Variants in LASP1 observed in about 807,000 individuals in gnomAD.
The protein encoded by LASP1 is LIM and SH3 domain protein 1.
LASP1 carries 10 observed loss-of-function variants against 38.6 expected under a neutral mutation model. The ratio of observed to expected loss-of-function variants is 0.26; its 90% CI spans 0.16 to 0.44. The LOEUF is 0.44. Among genes scored for constraint, LASP1 ranks in the 20% least tolerant of loss-of-function variants. The probability of loss-of-function intolerance (pLI) is 1.00; values close to 1 mark genes in which losing one functional copy is unlikely to be tolerated. For synonymous variants in LASP1, 132 were observed against 140.8 expected, an observed-to-expected ratio of 0.94 and a Z score of 0.44; for missense variants, 243 against 375.7, an observed-to-expected ratio of 0.65 and a Z score of 2.92.
intron 4 of LASP1, among the ~76,000 whole-genome samples, chr17:38,912,555 G>C (rs1312547526): frequency 6.6e-6 from 1 of 152,178 alleles, no homozygotes; most frequent in Non-Finnish European, 1.5e-5. Context: ...TCTGGCTCTT[G>C]GGCTGAGATC....
intron 1 of LASP1, among the ~76,000 whole-genome samples, chr17:38,870,508 T>G: frequency 1.3e-5 from 2 of 151,810 alleles, no homozygotes; most frequent in African/African-American, 4.8e-5. Flanking sequence ...TGTCCCGGGG[T>G]TGGGAGGACG....
intron 4 of LASP1, among the ~76,000 whole-genome samples, chr17:38,911,055 G>C (rs78116646): frequency 6.6e-6 from 1 of 152,100 alleles, no homozygotes. Flanking sequence ...AAAGCTCAAG[G>C]GTCTCCAGGA....
At chr17:38,888,748 G>A (rs949327947) in intron 2 of LASP1, among the ~76,000 whole-genome samples, 1 of 152,246 alleles carries the variant, frequency 6.6e-6, no homozygotes, top group Non-Finnish European at 1.5e-5. Context: ...AGACTGCTAA[G>A]GGAGAAGTGC....
At chr17:38,883,739 CTTTTTT>C (rs60761350) in intron 2 of LASP1, among the ~76,000 whole-genome samples, 1 of 128,350 alleles carries the variant, frequency 7.8e-6, no homozygotes, top group Admixed American at 8.2e-5. Context: ...CAGGGGCAGG[CTTTTTT>C]TTTTTTTTTT....
intron 1 of LASP1, among the ~76,000 whole-genome samples, chr17:38,876,328 G>A (rs956589069): frequency 1.3e-5 from 2 of 150,240 alleles, no homozygotes; most frequent in Non-Finnish European, 3.0e-5. Context: ...ACAGGCATGC[G>A]CCACCATACC....
chr17:38,892,701 G>A (rs1567699027), intron 3 of LASP1, among the ~76,000 whole-genome samples: 1 of 152,218 alleles, frequency 6.6e-6, no homozygotes, highest in Non-Finnish European at 1.5e-5. Context: ...GGTTTGAGGA[G>A]GAAGCACCTC....
At chr17:38,891,056 C>T (rs138823402) in intron 3 of LASP1, among the ~76,000 whole-genome samples, 31 of 152,212 alleles carry the variant, frequency 2.0e-4, no homozygotes, top group South Asian at 4.1e-4. Context: ...GAGGGGAGGA[C>T]GGGTTCCAGG....
intron 1 of LASP1, among the ~76,000 whole-genome samples, chr17:38,877,350 C>T (rs149399218): frequency 1.5e-3 from 235 of 152,318 alleles, no homozygotes; most frequent in African/African-American, 5.5e-3. Context: ...TGTCCACCTT[C>T]AAGGCTTTGA....
intron 2 of LASP1, among the ~76,000 whole-genome samples, chr17:38,880,493 A>G (rs1913913803): frequency 6.6e-6 from 1 of 152,242 alleles, no homozygotes; most frequent in Non-Finnish European, 1.5e-5. Context: ...CCTCCAGCCA[A>G]AAGAAGCAGG....
At chr17:38,908,656 A>G (rs1567703636) in intron 4 of LASP1, among the ~76,000 whole-genome samples, 1 of 152,226 alleles carries the variant, frequency 6.6e-6, no homozygotes, top group Non-Finnish European at 1.5e-5. Flanking sequence ...CAAACCCCTA[A>G]GTAAACTGCC....
chr17:38,907,919 A>C (rs1914818009), intron 4 of LASP1, among the ~76,000 whole-genome samples: 1 of 152,104 alleles, frequency 6.6e-6, no homozygotes, highest in Admixed American at 6.5e-5. Context: ...TTATTTACAG[A>C]TGAGGAAACT....
At chr17:38,912,363 G>A (rs1914979343) in intron 4 of LASP1, among the ~76,000 whole-genome samples, 1 of 152,074 alleles carries the variant, frequency 6.6e-6, no homozygotes, top group Non-Finnish European at 1.5e-5. Context: ...GGGTCAGATT[G>A]CCACAGGGCC....
intron 6 of LASP1, among the ~76,000 whole-genome samples, chr17:38,917,101 A>G (rs975513414): frequency 1.3e-5 from 2 of 152,302 alleles, no homozygotes; most frequent in South Asian, 2.1e-4. Context: ...GCAGAGCGAC[A>G]TAGGTTTTTG....
At chr17:38,904,283 A>C (rs1914720106) in intron 4 of LASP1, 1 of 152,110 alleles carries the variant, frequency 6.6e-6, no homozygotes, top group Admixed American at 6.6e-5. Context: ...GGCAGAGGTA[A>C]ATGCTAGTCT....
chr17:38,877,667 C>T (rs1913819112), intron 1 of LASP1, among the ~76,000 whole-genome samples: 1 of 152,110 alleles, frequency 6.6e-6, no homozygotes, highest in Non-Finnish European at 1.5e-5. Flanking sequence ...TTGGTGCCAC[C>T]AGAGGAGCTG....
At position 38,920,209 on chromosome 17, in the gene LASP1, C is replaced by T; in HGVS notation, c.*1431C>T. ...TGGAGGAAGGCTCTGTCACTCCAGG[C>T]ATATGTTTCCCCATCTCTGTCTGGG... On this transcript the variant is annotated 3_prime_UTR_variant, in exon 7 of 7. Transcript: ENST00000318008. 3 of 491,956 alleles carry T rather than the reference C, an allele frequency of 6.1e-6. No homozygotes were observed. Among genetic ancestry groups the T allele is most frequent in the South Asian group, 5.1e-5 (3 of 59,078 alleles). 30.5% of individuals were successfully genotyped at this position (491,956 alleles called of 1,614,324 possible).
At position 38,921,474 on chromosome 17, in the gene LASP1, C is replaced by T. The variant is rs545615927; in HGVS notation, c.*2696C>T. On this transcript the variant is annotated 3_prime_UTR_variant, in exon 7 of 7. Transcript: ENST00000318008. Reference sequence around the variant, plus strand: ...GGCCTTTTTTTATAGCTGGAAAAAACAAAATACCACCCTACAAACCTGTAT... The same window carrying T: ...GGCCTTTTTTTATAGCTGGAAAAAATAAAATACCACCCTACAAACCTGTAT... 1 of 232,168 alleles carries T rather than the reference C, an allele frequency of 4.3e-6. No individual in the cohort carries two copies. Among genetic ancestry groups the T allele is most frequent in the Admixed American group, 5.7e-5 (1 of 17,686 alleles). 14.4% of individuals were successfully genotyped at this position (232,168 alleles called of 1,614,324 possible). A position where few individuals can be genotyped will look rare whatever the true frequency, so the allele number is the denominator to read the frequency against.
At chr17:38,892,590 A>ACACACACACACC (rs926698909) in intron 3 of LASP1, among the ~76,000 whole-genome samples, 1 of 140,348 alleles carries the variant, frequency 7.1e-6, no homozygotes, top group African/African-American at 2.6e-5. Flanking sequence ...ACACACACAC[A>ACACACACACACC]CCCTTCTCAG....
Position 38,921,644 on chromosome 17 carries a change from C to T in LASP1, c.*2866C>T, listed in dbSNP as rs1469514733. On this transcript the variant is annotated 3_prime_UTR_variant, in exon 7 of 7. Coordinates refer to ENST00000318008, the MANE Select transcript of LASP1 (RefSeq NM_006148.4). ...GTCTCATTTTGGTCTGTTTTGGTCCCCTCCCTCGTGGGCTTGTGCTCGGGA... is the reference window on the plus strand; with the variant it reads ...GTCTCATTTTGGTCTGTTTTGGTCCTCTCCCTCGTGGGCTTGTGCTCGGGA... The T allele has an allele frequency of 4.3e-6, 1 of 232,540 alleles. No individual in the cohort carries two copies. The highest frequency in any genetic ancestry group is 8.5e-6 in the Non-Finnish European group (1 of 117,682). 14.4% of individuals were successfully genotyped at this position (232,540 alleles called of 1,614,324 possible). A position where few individuals can be genotyped will look rare whatever the true frequency, so the allele number is the denominator to read the frequency against.
Sources: allele counts gnomAD v4.1 joint callset (sites outside exome capture counted in the v4.1 genomes callset), GRCh38; gene constraint gnomAD v4.1.1; transcripts MANE v1.5; gene names NCBI Gene and HGNC (gene_info 2026-07-23, HGNC 2026-07-21).